The following SPAG16 variants were observed in gnomAD, a reference collection of about 807,000 sequenced individuals.
The protein encoded by SPAG16 is sperm associated antigen 16, also known as sperm-associated antigen 16 protein.
A neutral mutation model predicts 80.4 loss-of-function variants in SPAG16; 86 were observed. The ratio of observed to expected loss-of-function variants is 1.07; its 90% CI spans 0.90 to 1.28. The LOEUF (loss-of-function observed/expected upper bound fraction) is 1.28. SPAG16 is among the 50% of genes most tolerant of loss of function. SPAG16 has a pLI of 0.00. For synonymous variants in SPAG16, 294 were observed against 265.9 expected (o/e 1.11, Z -1.03); for missense variants, 870 against 765.3 (o/e 1.14, Z -1.61).
At chr2:213,378,023 G>A (rs567433212) in intron 9 of SPAG16, among the ~76,000 whole-genome samples, 6 of 152,034 alleles carry the variant, frequency 3.9e-5, no homozygotes, top group African/African-American at 1.4e-4. Context: ...TAAGGAGCAC[G>A]GAGAGCCAGT....
At chr2:214,025,054 A>G (rs1159650405) in intron 13 of SPAG16, among the ~76,000 whole-genome samples, 1 of 151,598 alleles carries the variant, frequency 6.6e-6, no homozygotes, top group African/African-American at 2.4e-5. Flanking sequence ...AAAATTCAGC[A>G]TTCTCTTTTA....
intron 15 of SPAG16, among the ~76,000 whole-genome samples, chr2:214,389,595 A>C (rs1452984419): frequency 6.6e-6 from 1 of 152,212 alleles, no homozygotes; most frequent in Non-Finnish European, 1.5e-5. Flanking sequence ...GGCAGTGGGT[A>C]TGACAAATTT....
Position 213,805,882 on chromosome 2 carries a change from A to G in SPAG16, c.1071-56603A>G, listed in dbSNP as rs1237709555. Reference sequence around the variant, plus strand: ...TTATAATGCCTAAGGCATGGTAAAAAGCCAAGTTGTAGGCAGTGTAGCAAA... The same window carrying G: ...TTATAATGCCTAAGGCATGGTAAAAGGCCAAGTTGTAGGCAGTGTAGCAAA... On this transcript the variant is annotated intron_variant, in intron 10 of 15. Transcript: ENST00000331683. 2.6e-5 allele frequency among the ~76,000 whole-genome samples: 4 copies of G among 152,222 alleles called. No homozygotes were observed. In the East Asian group the frequency reaches 7.7e-4, roughly 29 times the overall value.
At chr2:214,055,604 G>A (rs1025482507) in intron 13 of SPAG16, among the ~76,000 whole-genome samples, 3 of 152,038 alleles carry the variant, frequency 2.0e-5, no homozygotes, top group Non-Finnish European at 2.9e-5. Context: ...CTAAAATGTA[G>A]GAGACAGAGA....
chr2:213,302,535 A>G (rs886570966), intron 3 of SPAG16: 1 of 152,016 alleles, frequency 6.6e-6, no homozygotes, highest in Non-Finnish European at 1.5e-5. Flanking sequence ...TACCTGGTAC[A>G]TGGGAGATGT....
chr2:213,761,766 T>G (rs779825991), intron 10 of SPAG16, among the ~76,000 whole-genome samples: 2 of 152,012 alleles, frequency 1.3e-5, no homozygotes, highest in Non-Finnish European at 2.9e-5. Flanking sequence ...CTCAGGAGGC[T>G]GAGGCAGGAG....
intron 10 of SPAG16, among the ~76,000 whole-genome samples, chr2:213,774,600 C>T (rs1225420216): frequency 6.6e-6 from 1 of 152,108 alleles, no homozygotes; most frequent in Non-Finnish European, 1.5e-5. Flanking sequence ...TCAACATATT[C>T]TTTACAGGGG....
intron 10 of SPAG16, among the ~76,000 whole-genome samples, chr2:213,722,982 C>G (rs1213967073): frequency 6.6e-6 from 1 of 152,176 alleles, no homozygotes; most frequent in Non-Finnish European, 1.5e-5. Flanking sequence ...GGCTCCATCT[C>G]TTAATACCAA....
chr2:213,678,404 C>A (rs1351053241), intron 10 of SPAG16, among the ~76,000 whole-genome samples: 1 of 152,038 alleles, frequency 6.6e-6, no homozygotes, highest in East Asian at 1.9e-4. Context: ...AGAGAAGAAT[C>A]AAATAGACAC....
At chr2:213,456,661 C>T (rs554377593) in intron 9 of SPAG16, among the ~76,000 whole-genome samples, 1 of 151,476 alleles carries the variant, frequency 6.6e-6, no homozygotes, top group East Asian at 1.9e-4. Flanking sequence ...TCTCTTTCCT[C>T]CTCTTCTGCC....
intron 15 of SPAG16, among the ~76,000 whole-genome samples, chr2:214,159,203 T>C (rs182805067): frequency 1.3e-5 from 2 of 152,064 alleles, no homozygotes; most frequent in African/African-American, 4.8e-5. Context: ...CTTTAATCAA[T>C]AGAAATAAAT....
intron 13 of SPAG16, among the ~76,000 whole-genome samples, chr2:214,042,559 C>T (rs1402524339): frequency 6.6e-6 from 1 of 152,084 alleles, no homozygotes; most frequent in Admixed American, 6.6e-5. Flanking sequence ...CCTATCTCAT[C>T]ATAGGAAAAA....
intron 15 of SPAG16, among the ~76,000 whole-genome samples, chr2:214,163,621 T>A (rs2056536655): frequency 8.0e-6 from 1 of 124,940 alleles, no homozygotes; most frequent in African/African-American, 2.6e-5. Flanking sequence ...TATACACACA[T>A]ATATACATAT....
At chr2:213,418,087 G>A (rs1263369240) in intron 9 of SPAG16, among the ~76,000 whole-genome samples, 1 of 152,034 alleles carries the variant, frequency 6.6e-6, no homozygotes, top group Non-Finnish European at 1.5e-5. Context: ...TGGTCAGGCT[G>A]GTCTTGAACT....
At chr2:213,347,968 C>G (rs891615851) in intron 6 of SPAG16, among the ~76,000 whole-genome samples, 39 of 152,072 alleles carry the variant, frequency 2.6e-4, no homozygotes, top group Non-Finnish European at 3.2e-4. Context: ...GTTGATCTGT[C>G]TAATGTTGAC....
chr2:213,892,515 A>C (rs2076822188), intron 11 of SPAG16, among the ~76,000 whole-genome samples: 1 of 152,188 alleles, frequency 6.6e-6, no homozygotes, highest in South Asian at 2.1e-4. Context: ...TCTCTGACAA[A>C]GAATTCAAAA....
At chr2:213,450,978 C>A (rs2071651110) in intron 9 of SPAG16, among the ~76,000 whole-genome samples, 2 of 152,088 alleles carry the variant, frequency 1.3e-5, no homozygotes, top group South Asian at 4.1e-4. Flanking sequence ...CAAAATTGAT[C>A]TGACATATAA....
chr2:213,372,009 A>G (rs1185735823), intron 8 of SPAG16, among the ~76,000 whole-genome samples: 1 of 152,160 alleles, frequency 6.6e-6, no homozygotes, highest in African/African-American at 2.4e-5. Flanking sequence ...ATTATTGAGT[A>G]GATATTTAAA....
intron 15 of SPAG16, among the ~76,000 whole-genome samples, chr2:214,269,475 T>G (rs1207983274): frequency 6.6e-6 from 1 of 152,042 alleles, no homozygotes; most frequent in Non-Finnish European, 1.5e-5. Flanking sequence ...GTGTGTGTTT[T>G]GCTTAAATGA....
Sources: gnomAD v4.1 joint callset for allele counts (sites outside exome capture counted in the v4.1 genomes callset) on GRCh38, gnomAD v4.1.1 for gene constraint, MANE v1.5 for transcripts, NCBI Gene and HGNC (gene_info 2026-07-23, HGNC 2026-07-21) for gene names.